Variants in PRDM16 observed in about 807,000 individuals in gnomAD.
PRDM16 encodes histone-lysine N-methyltransferase PRDM16.
In PRDM16, 23 loss-of-function variants were observed where a neutral mutation model predicts 110.6. That is an observed-to-expected ratio of 0.21 (90% CI 0.15 to 0.29). PRDM16 has a LOEUF of 0.29. Among genes scored for constraint, PRDM16 ranks in the 10% least tolerant of loss-of-function variants. PRDM16 has a pLI of 1.00. For missense variants in PRDM16, 1,615 were observed against 1,794.3 expected, an observed-to-expected ratio of 0.90 and a Z score of 1.81; for synonymous variants, 799 against 781.8, an observed-to-expected ratio of 1.02 and a Z score of -0.37.
chr1:3,070,050 C>G (rs961867108), intron 1 of PRDM16, among the ~76,000 whole-genome samples: 1 of 152,032 alleles, frequency 6.6e-6, no homozygotes, highest in South Asian at 2.1e-4. Context: ...CGCGGGCCGC[C>G]GGGGCGACAG....
intron 3 of PRDM16, among the ~76,000 whole-genome samples, chr1:3,376,718 T>C (rs746088199): frequency 4.0e-4 from 61 of 151,876 alleles, no homozygotes; most frequent in Non-Finnish European, 7.7e-4. Context: ...TCTCTCTCTC[T>C]CCCCTCACTC....
intron 1 of PRDM16, among the ~76,000 whole-genome samples, chr1:3,177,489 C>T (rs1644103759): frequency 6.6e-6 from 1 of 152,238 alleles, no homozygotes; most frequent in South Asian, 2.1e-4. Flanking sequence ...CTGAGCTTCA[C>T]TTCTTTGATG....
At chr1:3,321,483 T>C (rs868303357) in intron 3 of PRDM16, among the ~76,000 whole-genome samples, 1 of 151,260 alleles carries the variant, frequency 6.6e-6, no homozygotes, top group Middle Eastern at 3.5e-3. Flanking sequence ...TACATATGTG[T>C]GTTTGTGGGC....
At chr1:3,423,926 G>A (rs1638512033) in intron 12 of PRDM16, among the ~76,000 whole-genome samples, 1 of 152,258 alleles carries the variant, frequency 6.6e-6, no homozygotes, top group Non-Finnish European at 1.5e-5. Flanking sequence ...GTGTGCCTGT[G>A]GGATCAGATG....
chr1:3,229,026 T>C (rs1353744420), intron 2 of PRDM16, among the ~76,000 whole-genome samples: 1 of 152,250 alleles, frequency 6.6e-6, no homozygotes, highest in African/African-American at 2.4e-5. Context: ...TCTGTAGCTC[T>C]TCAAGATGAG....
chr1:3,425,861 A>G lies in PRDM16; in HGVS notation c.3109+111A>G. 5 of 1,390,148 alleles carry G rather than the reference A, an allele frequency of 3.6e-6. No homozygotes were observed. The highest frequency in any genetic ancestry group is 4.9e-6 in the Non-Finnish European group (5 of 1,012,804). 86.1% of individuals were successfully genotyped at this position (1,390,148 alleles called of 1,614,324 possible). A position where few individuals can be genotyped will look rare whatever the true frequency, so the allele number is the denominator to read the frequency against. Reference sequence around the variant, plus strand: ...CGCCGGGCAGGGAAGAGGGCCACAGACTACCCCTCAGGAAGCCAACAGGCA... The same window carrying G: ...CGCCGGGCAGGGAAGAGGGCCACAGGCTACCCCTCAGGAAGCCAACAGGCA... On this transcript the variant is annotated intron_variant, in intron 13 of 16. Transcript: ENST00000270722. This position sits in a 1 kb window ranked among gnomAD's most constrained non-coding sequence, Gnocchi z 6.9.
At chr1:3,207,434 G>A (rs1310237029) in intron 2 of PRDM16, 3 of 152,236 alleles carry the variant, frequency 2.0e-5, no homozygotes, top group African/African-American at 7.2e-5. Context: ...AGGGGAAGCA[G>A]GCACATTTGT....
chr1:3,332,438 C>T (rs946420690), intron 3 of PRDM16, among the ~76,000 whole-genome samples: 148 of 131,318 alleles, frequency 1.1e-3, no homozygotes, highest in East Asian at 3.6e-3. Flanking sequence ...GGCTAGGGAG[C>T]GGTGGGGGGG....
chr1:3,399,506 C>T (rs1569682401), intron 5 of PRDM16, among the ~76,000 whole-genome samples: 1 of 152,238 alleles, frequency 6.6e-6, no homozygotes, highest in East Asian at 1.9e-4. Flanking sequence ...TAAGGGCAGG[C>T]CAGGCTCAGG....
intron 4 of PRDM16, among the ~76,000 whole-genome samples, chr1:3,392,066 G>A (rs772255602): frequency 1.3e-5 from 2 of 152,324 alleles, no homozygotes; most frequent in Middle Eastern, 3.4e-3. Context: ...AGCCACCTCC[G>A]CTAAAACCAA....
At chr1:3,205,605 CATTA>C (rs1344281051) in intron 2 of PRDM16, among the ~76,000 whole-genome samples, 3 of 151,930 alleles carry the variant, frequency 2.0e-5, no homozygotes, top group African/African-American at 4.8e-5. Context: ...TGAATTCATA[CATTA>C]ATTAATTTTC....
At position 3,415,445 on chromosome 1, in the gene PRDM16, GC is replaced by G. The variant is rs553722272; in HGVS notation, c.2691+804del. Among the ~76,000 whole-genome samples, 5 of 152,382 alleles carry G rather than the reference GC, an allele frequency of 3.3e-5. No homozygotes were observed. In the South Asian group the frequency reaches 8.3e-4, roughly 25 times the overall value. The stretch of plus-strand genomic sequence containing the variant: ...TCTCGGCCTTCCCCGCCGTGGACGG[GC>G]CCCCCACCTGGTTTGTGAAACCTGC... On this transcript the variant is annotated intron_variant, in intron 10 of 16. Transcript: ENST00000270722.
chr1:3,332,064 C>T (rs928535256), intron 3 of PRDM16, among the ~76,000 whole-genome samples: 2 of 152,252 alleles, frequency 1.3e-5, no homozygotes, highest in Admixed American at 1.3e-4. Context: ...TGCTCCGAAG[C>T]ACCCGTGGGT....
chr1:3,284,143 G>T (rs1237391242), intron 3 of PRDM16, among the ~76,000 whole-genome samples: 1 of 152,224 alleles, frequency 6.6e-6, no homozygotes, highest in Non-Finnish European at 1.5e-5. Context: ...GGGAAGCTGG[G>T]GTGGAGGCGC....
intron 1 of PRDM16, among the ~76,000 whole-genome samples, chr1:3,114,480 ACACGCACG>A (rs1226668128): frequency 6.8e-6 from 1 of 146,238 alleles, no homozygotes; most frequent in African/African-American, 2.6e-5. Flanking sequence ...GTGTAAACAG[ACACGCACG>A]CACGCACACA....
At chr1:3,194,098 G>C (rs949870126) in intron 2 of PRDM16, among the ~76,000 whole-genome samples, 2 of 152,240 alleles carry the variant, frequency 1.3e-5, no homozygotes, top group Non-Finnish European at 2.9e-5. Flanking sequence ...TGTCCTGTCC[G>C]GCACCTGCAC....
intron 2 of PRDM16, among the ~76,000 whole-genome samples, chr1:3,194,563 GGCCACTGTCTCCCCACCACAC>G (rs1569818168): frequency 2.7e-5 from 4 of 150,302 alleles, no homozygotes; most frequent in East Asian, 3.9e-4. Context: ...TGCGGCAACT[GGCCACTGTCTCCCCACCACAC>G]GCCACCGTCT....
intron 2 of PRDM16, among the ~76,000 whole-genome samples, chr1:3,194,611 C>CGTCTCCCCACCACACGCCACT (rs1557520050): frequency 5.4e-5 from 8 of 147,822 alleles, no homozygotes; most frequent in African/African-American, 7.7e-5. Context: ...CACACGCCAC[C>CGTCTCCCCACCACACGCCACT]GTCTCCCCAC....
At chr1:3,164,896 C>T (rs1346505812) in intron 1 of PRDM16, among the ~76,000 whole-genome samples, 7 of 152,178 alleles carry the variant, frequency 4.6e-5, no homozygotes, top group African/African-American at 9.7e-5. Flanking sequence ...CCGTCGCCAC[C>T]GTGGGGAATC....
Sources: gnomAD v4.1 joint callset for allele counts (sites outside exome capture counted in the v4.1 genomes callset) on GRCh38, gnomAD v4.1.1 for gene constraint, Gnocchi (gnomAD v3.1) non-coding constraint, MANE v1.5 for transcripts, NCBI Gene and HGNC (gene_info 2026-07-23, HGNC 2026-07-21) for gene names.